Variants in USH2A observed in about 807,000 individuals in gnomAD.
USH2A encodes Usher syndrome 2A (autosomal recessive, mild).
USH2A carries 443 observed loss-of-function variants against 538.9 expected under a neutral mutation model. The observed-to-expected ratio is 0.82, with a 90% confidence interval of 0.76 to 0.89. The LOEUF (loss-of-function observed/expected upper bound fraction) is 0.89. USH2A is among the 40% of genes least tolerant of loss of function. The probability of loss-of-function intolerance (pLI) is 0.00; values close to 1 mark genes in which losing one functional copy is unlikely to be tolerated. For synonymous variants in USH2A, 2,413 were observed against 2,273.5 expected (o/e 1.06, Z -1.75); for missense variants, 6,633 against 6,324.8 (o/e 1.05, Z -1.65).
intron 9 of USH2A, 143 bp from the exon 10 acceptor site, chr1:216,292,513 G>C (rs114399769): frequency 1.5e-5 from 14 of 940,928 alleles, no homozygotes; most frequent in Middle Eastern, 3.2e-4. Context: ...AAAATATTTC[G>C]TAAGTCAGAA....
Position 216,350,130 on chromosome 1 carries a change from C to A in USH2A, c.784+14823G>T, listed in dbSNP as rs537105952. Reference sequence around the variant, plus strand: ...GAGGTGCCACACACTTTAAAATAACCAGATCTTGTGATAACTCATTCACTA... The same window carrying A: ...GAGGTGCCACACACTTTAAAATAACAAGATCTTGTGATAACTCATTCACTA... On this transcript the variant is annotated intron_variant, in intron 4 of 71. Coordinates refer to ENST00000307340, the MANE Select transcript of USH2A (RefSeq NM_206933.4). Among the ~76,000 whole-genome samples the A allele has an allele frequency of 9.4e-4, 143 of 152,158 alleles. 1 individual carries two copies. The highest frequency in any genetic ancestry group is 3.3e-3 in the African/African-American group (136 of 41,522).
In USH2A at chr1:216,393,812, T is replaced by C. The variant is rs528261309; in HGVS notation, c.651+24702A>G. Among the ~76,000 whole-genome samples the C allele has an allele frequency of 2.8e-4, 42 of 152,166 alleles. 1 individual carries two copies. Among genetic ancestry groups the C allele is most frequent in the South Asian group, 2.5e-3 (12 of 4,812 alleles). ...ATGGAGGGGAGCCAGACCTGAAGAA[T>C]TGGAAACTTCTGATCTATAAATGAC... On this transcript the variant is annotated intron_variant, in intron 3 of 71. Transcript: ENST00000307340.
At chr1:216,330,070 A>T (rs181038776) in intron 4 of USH2A, among the ~76,000 whole-genome samples, 17 of 152,230 alleles carry the variant, frequency 1.1e-4, no homozygotes, top group African/African-American at 4.1e-4. Context: ...ACTGAAAGAC[A>T]GCAAAACTGA....
At chr1:216,107,986 C>T (rs1041855477) in intron 21 of USH2A, among the ~76,000 whole-genome samples, 6 of 151,800 alleles carry the variant, frequency 4.0e-5, no homozygotes, top group Non-Finnish European at 1.5e-5. Flanking sequence ...TTGTAAACTG[C>T]AGAATATGTT....
At chr1:216,270,377 CA>C (rs1022534597) in intron 11 of USH2A, among the ~76,000 whole-genome samples, 14 of 152,058 alleles carry the variant, frequency 9.2e-5, no homozygotes, top group Non-Finnish European at 1.9e-4. Flanking sequence ...TAAATGAGGG[CA>C]AAAGGAAATC....
At chr1:216,075,199 T>G (rs1288902623) in intron 27 of USH2A, among the ~76,000 whole-genome samples, 1 of 152,150 alleles carries the variant, frequency 6.6e-6, no homozygotes, top group Non-Finnish European at 1.5e-5. Flanking sequence ...CTAATCCTCC[T>G]AAGGAAATGG....
intron 1 of USH2A, among the ~76,000 whole-genome samples, 166 bp downstream of exon 1, chr1:216,423,048 T>A (rs2039705839): frequency 6.6e-6 from 1 of 152,126 alleles, no homozygotes; most frequent in Admixed American, 6.6e-5. Context: ...GCAGCAACTT[T>A]AAGCTCAGAG....
intron 11 of USH2A, among the ~76,000 whole-genome samples, chr1:216,284,099 A>G (rs990411049): frequency 1.3e-5 from 2 of 152,084 alleles, no homozygotes; most frequent in African/African-American, 4.8e-5. Context: ...CTCTATATAT[A>G]TACATATATA....
intron 3 of USH2A, among the ~76,000 whole-genome samples, chr1:216,378,605 T>A (rs1348227423): frequency 6.6e-6 from 1 of 152,274 alleles, no homozygotes; most frequent in Admixed American, 6.5e-5. Context: ...TAATAATCAC[T>A]CACAAACTTT....
At chr1:216,076,605 T>G (rs1333818683) in intron 27 of USH2A, among the ~76,000 whole-genome samples, 1 of 152,140 alleles carries the variant, frequency 6.6e-6, no homozygotes, top group Non-Finnish European at 1.5e-5. Context: ...CTCAGAAACC[T>G]GAAAACCTGG....
Position 215,782,149 on chromosome 1 carries a change from G to A in USH2A, c.10633C>T (p.Arg3545Trp), listed in dbSNP as rs145718329. The part of the protein sequence containing the change: ...ILLRNGIERF[R>W]GTSLSFSDKE... Reference sequence around the variant, plus strand: ...TCAGAGAAGCTCAGTGATGTTCCCCGAAAACGTTCAATTCCATTTCGAAGA... The same window carrying A: ...TCAGAGAAGCTCAGTGATGTTCCCCAAAAACGTTCAATTCCATTTCGAAGA... Residue 3545 changes from arginine (R) to tryptophan (W), a missense_variant, in exon 54 of 72, where the codon CGG becomes TGG. Coordinates refer to ENST00000307340, the MANE Select transcript of USH2A (RefSeq NM_206933.4). 6.6e-5 allele frequency: 107 copies of A among 1,613,798 alleles called. No homozygotes were observed. Among genetic ancestry groups the A allele is most frequent in the Non-Finnish European group, 8.8e-5 (104 of 1,179,884 alleles).
chr1:216,247,165 T>C lies in USH2A; in HGVS notation c.2229A>G (p.Gly743=), dbSNP rs370823077. The change falls in exon 13 of 72, where the codon GGA becomes GGG. Residue 743 remains glycine (G), a synonymous_variant. Coordinates refer to ENST00000307340, the MANE Select transcript of USH2A (RefSeq NM_206933.4). The part of the protein sequence containing the change: ...FKFLRSFNDV[G]CEPCQCNLHG... ...GGAGGTTACACTGGCAGGGCTCACA[T>C]CCAACATCATTAAAGCTTCGGAGAA... 5 of 1,613,936 alleles carry C rather than the reference T, an allele frequency of 3.1e-6. No individual in the cohort carries two copies. Among genetic ancestry groups the C allele is most frequent in the Non-Finnish European group, 2.5e-6 (3 of 1,179,942 alleles).
intron 51 of USH2A, among the ~76,000 whole-genome samples, chr1:215,787,580 G>T (rs942979132): frequency 6.6e-6 from 1 of 152,120 alleles, no homozygotes; most frequent in Admixed American, 6.6e-5. Flanking sequence ...AGAGCTATAA[G>T]TAAGGTAATA....
intron 4 of USH2A, among the ~76,000 whole-genome samples, chr1:216,345,315 G>T (rs2038153765): frequency 6.6e-6 from 1 of 151,972 alleles, no homozygotes; most frequent in Non-Finnish European, 1.5e-5. Context: ...TTTGATATTG[G>T]ATGCTGAGCA....
intron 22 of USH2A, among the ~76,000 whole-genome samples, chr1:216,096,592 A>C (rs2032446437): frequency 6.6e-6 from 1 of 152,196 alleles, no homozygotes; most frequent in African/African-American, 2.4e-5. Context: ...TAAGAATTTT[A>C]AATTGATTAT....
In USH2A at chr1:216,250,911, T is replaced by A; in HGVS notation, c.2159A>T (p.Asn720Ile). 2 of 1,613,960 alleles carry A rather than the reference T, an allele frequency of 1.2e-6. No homozygotes were observed. Among genetic ancestry groups the A allele is most frequent in the South Asian group, 2.2e-5 (2 of 91,066 alleles). Reference sequence around the variant, plus strand: ...TTTTGCGTTACACGTACCAATAACGTTTGCTTTGCACTTGCACTGGCCTGA... The same window carrying A: ...TTTTGCGTTACACGTACCAATAACGATTGCTTTGCACTTGCACTGGCCTGA... ...QNSGQCKCKA[N>I]VIGLRCDHCN... Residue 720 changes from asparagine to isoleucine, a missense_variant, in exon 12 of 72, where the codon AAC (asparagine) becomes ATC (isoleucine). Asn to Ile is a moderately radical substitution (Grantham distance 149, BLOSUM62 -3). Transcript: ENST00000307340.
intron 32 of USH2A, among the ~76,000 whole-genome samples, chr1:216,030,163 A>C (rs1007462634): frequency 3.5e-5 from 5 of 143,264 alleles, no homozygotes; most frequent in Admixed American, 7.2e-5. Flanking sequence ...ATATATAGAT[A>C]TACATAACAG....
intron 32 of USH2A, among the ~76,000 whole-genome samples, chr1:216,042,989 C>T (rs913952665): frequency 6.6e-6 from 1 of 152,062 alleles, no homozygotes; most frequent in African/African-American, 2.4e-5. Flanking sequence ...ATCTTGGTCT[C>T]GGACTTTCAG....
At chr1:216,242,161 C>A (rs909260597) in intron 13 of USH2A, among the ~76,000 whole-genome samples, 2 of 147,660 alleles carry the variant, frequency 1.4e-5, no homozygotes, top group Non-Finnish European at 1.5e-5. Flanking sequence ...ACCATCCTGG[C>A]TAACACGGTG....
Sources: allele counts gnomAD v4.1 joint callset (sites outside exome capture counted in the v4.1 genomes callset), GRCh38; gene constraint gnomAD v4.1.1; transcripts MANE v1.5; gene names NCBI Gene and HGNC (gene_info 2026-07-23, HGNC 2026-07-21).